Variants in ZNF750 observed in about 807,000 individuals in gnomAD.
ZNF750 encodes the protein protein ZNF750.
ZNF750 carries 10 observed loss-of-function variants against 31.6 expected under a neutral mutation model. That is an observed-to-expected ratio of 0.32 (90% CI 0.19 to 0.54). ZNF750 has a LOEUF of 0.54. ZNF750 is among the 20% of genes least tolerant of loss of function. The pLI is 0.95. For synonymous variants in ZNF750, 400 were observed against 404.9 expected (o/e 0.99, Z 0.15); for missense variants, 914 against 934.9 (o/e 0.98, Z 0.29).
At chr17:82,834,880 TAAAAA>T (rs148009121) in intron 1 of ZNF750, among the ~76,000 whole-genome samples, 2 of 149,268 alleles carry the variant, frequency 1.3e-5, no homozygotes. Context: ...TAAAGTATAA[TAAAAA>T]AAAAATACAT....
chr17:82,832,283 C>G lies in ZNF750; in HGVS notation c.172G>C (p.Glu58Gln), dbSNP rs1320973456. ...GGGCACTTGGGAACTCGATCCTGCT[C>G]TGATACTAAAGTAATCGAGTTTTTA... ...LCKNSITLVSEQDRVPKCPKS... is the reference protein window; with the variant it reads ...LCKNSITLVSQQDRVPKCPKS... Residue 58 changes from glutamate to glutamine, a missense_variant, in exon 2 of 3, where the codon GAG becomes CAG. Glu to Gln is a conservative substitution (Grantham distance 29, BLOSUM62 2). Around this residue, in one of 2 missense-constraint regions of ZNF750, gnomAD observed 880 missense variants for 868.9 expected, o/e 1.01. Transcript: ENST00000269394. This position sits in a 1 kb window ranked among gnomAD's most constrained non-coding sequence, Gnocchi z 4.9. 2 of 1,614,232 alleles carry G rather than the reference C, an allele frequency of 1.2e-6. No individual in the cohort carries two copies. Among genetic ancestry groups the G allele is most frequent in the Non-Finnish European group, 8.5e-7 (1 of 1,180,050 alleles).
At chr17:82,836,724 A>G (rs1442321195) in intron 1 of ZNF750, among the ~76,000 whole-genome samples, 1 of 151,636 alleles carries the variant, frequency 6.6e-6, no homozygotes, top group Non-Finnish European at 1.5e-5. Context: ...CCAAAAAACA[A>G]AAAAACAAAA....
At chr17:82,838,698 A>G in intron 1 of ZNF750, 2 of 985,452 alleles carry the variant, frequency 2.0e-6, no homozygotes, top group South Asian at 9.4e-5. Flanking sequence ...TTTAAAATGA[A>G]AGATAAACCT....
At chr17:82,838,846 C>G (rs1416662550) in intron 1 of ZNF750, 3 of 985,424 alleles carry the variant, frequency 3.0e-6, no homozygotes, top group East Asian at 1.1e-4. Flanking sequence ...CGTAAACAAA[C>G]GCTCACCACT....
Position 82,830,355 on chromosome 17 carries a change from A to G in ZNF750, c.1959T>C (p.Asp653=). Residue 653 remains aspartate, a synonymous_variant, in exon 3 of 3, where the codon GAT becomes GAC. Transcript: ENST00000269394. ...AYSPRNIRVG[D]GDAAAPEPAC... Reference sequence around the variant, plus strand: ...CAGGTTCCGGGGCCGCAGCATCCCCATCGCCCACCCGGATGTTCCTGGGGC... The same window carrying G: ...CAGGTTCCGGGGCCGCAGCATCCCCGTCGCCCACCCGGATGTTCCTGGGGC... The G allele has an allele frequency of 1.2e-6, 2 of 1,613,524 alleles. No individual in the cohort carries two copies. Among genetic ancestry groups the G allele is most frequent in the Non-Finnish European group, 1.7e-6 (2 of 1,180,038 alleles).
Position 82,830,326 on chromosome 17 carries a change from C to T in ZNF750, c.1988G>A (p.Cys663Tyr). The T allele has an allele frequency of 6.2e-7, 1 of 1,614,100 alleles. No homozygotes were observed. Among genetic ancestry groups the T allele is most frequent in the South Asian group, 1.1e-5 (1 of 91,088 alleles). The change falls in exon 3 of 3, where the codon TGC becomes TAC. Residue 663 changes from cysteine to tyrosine, a missense_variant. By Grantham distance (194) the Cys-to-Tyr change is radical. Transcript: ENST00000269394. Reference protein sequence around the residue: ...DGDAAAPEPACRQDTPTLSSM... With the variant: ...DGDAAAPEPAYRQDTPTLSSM... ...GCTCAGTGTGGGTGTGTCTTGCCGG[C>T]AGGCAGGTTCCGGGGCCGCAGCATC...
rs551003188 is a variant in ZNF750 at position 82,832,757 on chromosome 17, C to T, written c.-182-121G>A. On this transcript the variant is annotated intron_variant, in intron 1 of 2. Coordinates refer to ENST00000269394, the MANE Select transcript of ZNF750 (RefSeq NM_024702.3). The surrounding 1 kb of genome is among the most constrained non-coding windows in gnomAD (Gnocchi z 4.9). ...AGAACCCCTGAAGGGCTGAAACTGC[C>T]TGCTCCTGAGGGGAGCAGCTGCCGG... 418 of 459,850 alleles carry T rather than the reference C, an allele frequency of 9.1e-4. 2 individuals carry two copies. Among genetic ancestry groups the T allele is most frequent in the Non-Finnish European group, 1.2e-3 (300 of 250,252 alleles). 28.5% of individuals were successfully genotyped at this position (459,850 alleles called of 1,614,324 possible).
Position 82,831,130 on chromosome 17 carries a change from A to C in ZNF750, c.1325T>G (p.Leu442Arg), listed in dbSNP as rs1198452679. The C allele has an allele frequency of 6.2e-7, 1 of 1,614,076 alleles. No individual in the cohort carries two copies. The highest frequency in any genetic ancestry group is 8.5e-7 in the Non-Finnish European group (1 of 1,180,016). ...DLSNKAASSALGRLYPPEQSL... is the reference protein window; with the variant it reads ...DLSNKAASSARGRLYPPEQSL... ...TTGCTCTGGCGGGTAGAGTCTTCCC[A>C]GTGCGCTGGAGGCTGCCTTGTTGGA... The change falls in exon 2 of 3, where the codon CTG becomes CGG. Residue 442 changes from leucine (L) to arginine (R), a missense_variant. Leu to Arg is a moderately radical substitution (Grantham distance 102). Coordinates refer to ENST00000269394, the MANE Select transcript of ZNF750 (RefSeq NM_024702.3). The surrounding 1 kb of genome is among the most constrained non-coding windows in gnomAD (Gnocchi z 4.6).
intron 1 of ZNF750, among the ~76,000 whole-genome samples, chr17:82,836,768 CAAA>C (rs1484499503): frequency 6.6e-6 from 1 of 152,068 alleles, no homozygotes; most frequent in Non-Finnish European, 1.5e-5. Context: ...TAGATTTTCT[CAAA>C]AGCTTTACAA....
In ZNF750 at chr17:82,831,107, G is replaced by C; in HGVS notation, c.1348C>G (p.Gln450Glu). 6.2e-7 allele frequency: 1 copy of C among 1,614,192 alleles called. No homozygotes were observed. The highest frequency in any genetic ancestry group is 8.5e-7 in the Non-Finnish European group (1 of 1,180,028). Residue 450 changes from glutamine to glutamate, a missense_variant, in exon 2 of 3, where the codon CAA becomes GAA. Gln to Glu is a conservative substitution (Grantham distance 29). This residue lies in a region of ZNF750 where 880 missense variants were observed against 868.9 expected (regional missense o/e 1.01). Coordinates refer to ENST00000269394, the MANE Select transcript of ZNF750 (RefSeq NM_024702.3). The surrounding 1 kb of genome is among the most constrained non-coding windows in gnomAD (Gnocchi z 4.6). Reference sequence around the variant, plus strand: ...ACAGGCCTGAAGGCTGTGAGGCTTTGCTCTGGCGGGTAGAGTCTTCCCAGT... The same window carrying C: ...ACAGGCCTGAAGGCTGTGAGGCTTTCCTCTGGCGGGTAGAGTCTTCCCAGT... ...SALGRLYPPE[Q>E]SLTAFRPVKK...
rs2053549074 is a variant in ZNF750, at chr17:82,831,891, A to G, written c.564T>C (p.Thr188=). The change falls in exon 2 of 3, where the codon ACT becomes ACC. Residue 188 remains threonine, a synonymous_variant. Transcript: ENST00000269394. The surrounding 1 kb of genome is among the most constrained non-coding windows in gnomAD (Gnocchi z 4.6). The part of the protein sequence containing the change: ...APETLALHNP[T]AKAVSFHTKS... ...TGGTGTGGAAAGACACGGCCTTGGCAGTGGGGTTGTGTAAAGCCAGTGTCT... is the reference window on the plus strand; with the variant it reads ...TGGTGTGGAAAGACACGGCCTTGGCGGTGGGGTTGTGTAAAGCCAGTGTCT... 1.9e-6 allele frequency: 3 copies of G among 1,614,026 alleles called. No individual in the cohort carries two copies. The highest frequency in any genetic ancestry group is 1.7e-6 in the Non-Finnish European group (2 of 1,179,970).
rs1231372938 is a variant in ZNF750, at chr17:82,830,437, C to T, written c.1877G>A (p.Ser626Asn). 1.2e-6 allele frequency: 2 copies of T among 1,611,826 alleles called. No individual in the cohort carries two copies. Among genetic ancestry groups the T allele is most frequent in the Non-Finnish European group, 1.7e-6 (2 of 1,179,882 alleles). The change falls in exon 3 of 3, where the codon AGC (serine) becomes AAC (asparagine). Residue 626 changes from serine (S) to asparagine (N), a missense_variant. Ser to Asn is a conservative substitution (Grantham distance 46, BLOSUM62 1). Transcript: ENST00000269394. Reference sequence around the variant, plus strand: ...TGCCGTCTGCTTCTGCTCCTCGCTGCTGTCCACCGCGCATGCGTCTGGAGC... The same window carrying T: ...TGCCGTCTGCTTCTGCTCCTCGCTGTTGTCCACCGCGCATGCGTCTGGAGC... ...EEAPDACAVD[S>N]SEEQKQTAAV... is the part of the protein sequence containing the mutation.
rs1472455890 is a variant in ZNF750 at position 82,830,813 on chromosome 17, C to T, written c.1501G>A (p.Ala501Thr). 2.5e-6 allele frequency: 4 copies of T among 1,613,386 alleles called. No homozygotes were observed. Among genetic ancestry groups the T allele is most frequent in the Admixed American group, 3.3e-5 (2 of 60,018 alleles). Residue 501 changes from alanine (A) to threonine (T), a missense_variant, in exon 3 of 3, where the codon GCG (alanine) becomes ACG (threonine). Physicochemically the swap from Ala to Thr is moderately conservative, Grantham distance 58. Around this residue, in one of 2 missense-constraint regions of ZNF750, gnomAD observed 880 missense variants for 868.9 expected, o/e 1.01. Transcript: ENST00000269394. ...TGSASLVSEA[A>T]PSSPDDSSGM... Reference sequence around the variant, plus strand: ...GAGCTGTCGTCCGGACTGGAAGGCGCGGCCTCCGAGACGAGAGAGGCGCTT... The same window carrying T: ...GAGCTGTCGTCCGGACTGGAAGGCGTGGCCTCCGAGACGAGAGAGGCGCTT...
intron 1 of ZNF750, chr17:82,838,633 C>T: frequency 1.0e-6 from 1 of 985,396 alleles, no homozygotes; most frequent in Non-Finnish European, 1.2e-6. Flanking sequence ...GTGAGTTTTA[C>T]TCCAATTGAG....
At chr17:82,836,346 C>T (rs1473645622) in intron 1 of ZNF750, among the ~76,000 whole-genome samples, 2 of 152,304 alleles carry the variant, frequency 1.3e-5, no homozygotes, top group African/African-American at 2.4e-5. Context: ...GGATGTGTTA[C>T]GGCAGGGATC....
chr17:82,830,614 G>A lies in ZNF750; in HGVS notation c.1700C>T (p.Ala567Val). Residue 567 changes from alanine to valine, a missense_variant, in exon 3 of 3, where the codon GCC becomes GTC. By Grantham distance (64) the Ala-to-Val change is moderately conservative. Coordinates refer to ENST00000269394, the MANE Select transcript of ZNF750 (RefSeq NM_024702.3). ...DPCNTQAPRPAFPGRPRAAEP... is the reference protein window; with the variant it reads ...DPCNTQAPRPVFPGRPRAAEP... ...TGCAGCTCGTGGTCGACCGGGGAAG[G>A]CAGGCCTCGGAGCCTGGGTGTTACA... 6.2e-7 allele frequency: 1 copy of A among 1,614,052 alleles called. No individual in the cohort carries two copies. The highest frequency in any genetic ancestry group is 8.5e-7 in the Non-Finnish European group (1 of 1,179,954).
rs1397075706 is a variant in ZNF750, at chr17:82,831,829, G to A, written c.626C>T (p.Ala209Val). 1.2e-6 allele frequency: 2 copies of A among 1,614,118 alleles called. No homozygotes were observed. Among genetic ancestry groups the A allele is most frequent in the East Asian group, 2.2e-5 (1 of 44,896 alleles). Reference protein sequence around the residue: ...AFHTPGYPWKAGSPFLPPEFP... With the variant: ...AFHTPGYPWKVGSPFLPPEFP... ...CTCTGGTGGAAGGAAAGGTGAGCCG[G>A]CTTTCCAGGGGTAGCCAGGAGTGTG... Residue 209 changes from alanine (A) to valine (V), a missense_variant, in exon 2 of 3, where the codon GCC (alanine) becomes GTC (valine). Around this residue, in one of 2 missense-constraint regions of ZNF750, gnomAD observed 880 missense variants for 868.9 expected, o/e 1.01. Transcript: ENST00000269394. The surrounding 1 kb of genome is among the most constrained non-coding windows in gnomAD (Gnocchi z 4.6).
intron 1 of ZNF750, among the ~76,000 whole-genome samples, chr17:82,836,995 C>G (rs1191052182): frequency 1.3e-5 from 2 of 152,134 alleles, no homozygotes; most frequent in Non-Finnish European, 2.9e-5. Flanking sequence ...TATGGAGTCT[C>G]GGGCAGTGGT....
In ZNF750 at chr17:82,831,174, G is replaced by A. The variant is rs747644446; in HGVS notation, c.1281C>T (p.Cys427=). ...TGTTGGAGAGGTCGTACAGGCCTTCGCAGGTCTGGCTCGTCTGCATGAAGT... is the reference window on the plus strand; with the variant it reads ...TGTTGGAGAGGTCGTACAGGCCTTCACAGGTCTGGCTCGTCTGCATGAAGT... ...PTDFMQTSQT[C]EGLYDLSNKA... Residue 427 remains cysteine (C), a synonymous_variant, in exon 2 of 3, where the codon TGC becomes TGT. Transcript: ENST00000269394. This position sits in a 1 kb window ranked among gnomAD's most constrained non-coding sequence, Gnocchi z 4.6. 3 of 1,614,022 alleles carry A rather than the reference G, an allele frequency of 1.9e-6. No homozygotes were observed. The highest frequency in any genetic ancestry group is 2.7e-5 in the African/African-American group (2 of 74,936).
Sources: allele counts gnomAD v4.1 joint callset (sites outside exome capture counted in the v4.1 genomes callset), GRCh38; gene constraint gnomAD v4.1.1; regional missense constraint gnomAD v4.1.1; non-coding constraint Gnocchi (gnomAD v3.1); transcripts MANE v1.5; gene names NCBI Gene and HGNC (gene_info 2026-07-23, HGNC 2026-07-21).